The following ME1 variants were observed in gnomAD, a reference collection of about 807,000 sequenced individuals.
ME1 encodes the protein NADP-dependent malic enzyme.
A neutral mutation model predicts 66.4 loss-of-function variants in ME1; 74 were observed. The ratio of observed to expected loss-of-function variants is 1.11; its 90% CI spans 0.92 to 1.35. The LOEUF is 1.35. Among genes scored for constraint, ME1 ranks in the 40% most tolerant of loss-of-function variants. ME1 has a pLI of 0.00. For synonymous variants in ME1, 251 were observed against 235.6 expected (o/e 1.07, Z -0.60); for missense variants, 750 against 694.1 (o/e 1.08, Z -0.90).
intron 3 of ME1, among the ~76,000 whole-genome samples, chr6:83,360,747 T>C (rs1019972481): frequency 2.0e-5 from 3 of 152,232 alleles, no homozygotes; most frequent in Admixed American, 6.5e-5. Context: ...AACTCTTCCA[T>C]TTGTCCTGTG....
rs573468783 is a variant in ME1 at position 83,235,495 on chromosome 6, G to A, written c.1026+2222C>T. On this transcript the variant is annotated intron_variant, in intron 9 of 13. Coordinates refer to ENST00000369705, the MANE Select transcript of ME1 (RefSeq NM_002395.6). Reference sequence around the variant, plus strand: ...ATTTTTTTTTTTTTTTTTTGAGATGGAGTCTCGCTCTGTCACCCAGGATGG... The same window carrying A: ...ATTTTTTTTTTTTTTTTTTGAGATGAAGTCTCGCTCTGTCACCCAGGATGG... 1.4e-3 allele frequency among the ~76,000 whole-genome samples: 188 copies of A among 129,956 alleles called. 1 individual carries two copies. Among genetic ancestry groups the A allele is most frequent in the Middle Eastern group, 0.012 (2 of 166 alleles). The allele number at this position is 129,956 out of a possible 152,430, so 85.3% of individuals were successfully genotyped here. A position where few individuals can be genotyped will look rare whatever the true frequency, so the allele number is the denominator to read the frequency against.
intron 1 of ME1, among the ~76,000 whole-genome samples, chr6:83,422,073 G>A (rs1462579182): frequency 1.3e-5 from 2 of 152,166 alleles, no homozygotes; most frequent in Non-Finnish European, 2.9e-5. Flanking sequence ...AGAGATCACA[G>A]AAAGAAGGGA....
rs70987750 is a variant in ME1 at position 83,376,804 on chromosome 6, C to CAAAAAAAAAAAAAAAAAAAAA, written c.362+21562_362+21563insTTTTTTTTTTTTTTTTTTTTT. On this transcript the variant is annotated intron_variant, in intron 3 of 13. Coordinates refer to ENST00000369705, the MANE Select transcript of ME1 (RefSeq NM_002395.6). ...GGCGACAGAACCAGACCCTGTCTCA[C>CAAAAAAAAAAAAAAAAAAAAA]AAAAAAAAAAAAAAAATTCAAAAAA... 6.1e-3 allele frequency among the ~76,000 whole-genome samples: 524 copies of CAAAAAAAAAAAAAAAAAAAAA among 86,550 alleles called. 17 individuals are homozygous for CAAAAAAAAAAAAAAAAAAAAA. The highest frequency in any genetic ancestry group is 0.015 in the Admixed American group (96 of 6,486). The allele number at this position is 86,550 out of a possible 152,430, so 56.8% of individuals were successfully genotyped here. A position where few individuals can be genotyped will look rare whatever the true frequency, so the allele number is the denominator to read the frequency against.
chr6:83,415,548 T>C (rs1005119473), intron 1 of ME1, among the ~76,000 whole-genome samples: 2 of 152,208 alleles, frequency 1.3e-5, no homozygotes, highest in African/African-American at 4.8e-5. Context: ...AAACAAATTT[T>C]CAGTACTCTG....
chr6:83,316,225 T>C (rs943662448), intron 5 of ME1, among the ~76,000 whole-genome samples: 1 of 152,228 alleles, frequency 6.6e-6, no homozygotes, highest in African/African-American at 2.4e-5. Flanking sequence ...AGTGTTTTCT[T>C]AAATTTTTTA....
At chr6:83,258,256 A>T (rs1562461812) in intron 6 of ME1, among the ~76,000 whole-genome samples, 2 of 152,158 alleles carry the variant, frequency 1.3e-5, no homozygotes, top group Non-Finnish European at 2.9e-5. Context: ...TAGTTTCATG[A>T]CTTTTCTCTA....
chr6:83,415,415 AG>A (rs1299032916), intron 1 of ME1, among the ~76,000 whole-genome samples: 4 of 152,190 alleles, frequency 2.6e-5, no homozygotes, highest in Non-Finnish European at 5.9e-5. Flanking sequence ...CATTTTACCC[AG>A]GTCTGGAAGA....
At chr6:83,235,139 A>G (rs1227397693) in intron 9 of ME1, among the ~76,000 whole-genome samples, 4 of 152,200 alleles carry the variant, frequency 2.6e-5, no homozygotes, top group African/African-American at 9.6e-5. Context: ...ACTTAGCTTA[A>G]TAGACACGTT....
At chr6:83,300,886 G>A (rs1170515) in intron 6 of ME1, among the ~76,000 whole-genome samples, 33,916 of 152,016 alleles carry the variant, frequency 0.22, 4,160 homozygotes, top group Middle Eastern at 0.39. Flanking sequence ...ATGAGTTCAC[G>A]TCCTTTGTAG....
At chr6:83,421,081 C>T (rs551292226) in intron 1 of ME1, among the ~76,000 whole-genome samples, 1 of 152,246 alleles carries the variant, frequency 6.6e-6, no homozygotes, top group African/African-American at 2.4e-5. Flanking sequence ...GTCGAACTTG[C>T]TCTTCTCCTT....
At chr6:83,313,569 T>A (rs1767969178) in intron 6 of ME1, among the ~76,000 whole-genome samples, 1 of 152,200 alleles carries the variant, frequency 6.6e-6, no homozygotes, top group Non-Finnish European at 1.5e-5. Flanking sequence ...TTGTTAAAGT[T>A]GTCTTATTTA....
At chr6:83,212,186 T>C (rs893833268) in intron 13 of ME1, 92 bp from the exon 14 acceptor site, 21 of 823,680 alleles carry the variant, frequency 2.5e-5, no homozygotes, top group East Asian at 1.1e-4. Flanking sequence ...TCAAAAACAC[T>C]GTATCCTATG....
intron 7 of ME1, among the ~76,000 whole-genome samples, chr6:83,250,977 A>G (rs916155650): frequency 6.6e-5 from 10 of 152,354 alleles, no homozygotes; most frequent in African/African-American, 2.4e-4. Context: ...TGTTGCAATA[A>G]CTTTACAAAA....
At chr6:83,402,648 C>T (rs1376479520) in intron 2 of ME1, among the ~76,000 whole-genome samples, 1 of 152,000 alleles carries the variant, frequency 6.6e-6, no homozygotes, top group Non-Finnish European at 1.5e-5. Flanking sequence ...TACAGGAGAC[C>T]CCTTAGGGTA....
At chr6:83,346,477 A>G (rs995328215) in intron 4 of ME1, 143 bp from the exon 5 acceptor site, 9 of 504,452 alleles carry the variant, frequency 1.8e-5, no homozygotes, top group African/African-American at 1.8e-4. Context: ...AAGATTTTAT[A>G]AATTGTAATT....
Position 83,391,460 on chromosome 6 carries a change from G to T in ME1, c.362+6907C>A, listed in dbSNP as rs143303723. 1.4e-3 allele frequency among the ~76,000 whole-genome samples: 215 copies of T among 152,032 alleles called. 1 individual carries two copies. The highest frequency in any genetic ancestry group is 4.8e-3 in the African/African-American group (200 of 41,448). On this transcript the variant is annotated intron_variant, in intron 3 of 13. Transcript: ENST00000369705. ...CTGAACCACTATCATCTCTCACTGG[G>T]TTTATTTTAATAGTCTCCTAACAAG...
chr6:83,388,448 C>T (rs1769557155), intron 3 of ME1, among the ~76,000 whole-genome samples: 2 of 152,064 alleles, frequency 1.3e-5, no homozygotes, highest in African/African-American at 2.4e-5. Flanking sequence ...TACATGATAC[C>T]ACAATCTATT....
chr6:83,239,489 C>A, intron 8 of ME1, 50 bp downstream of exon 8: 1 of 1,266,786 alleles, frequency 7.9e-7, no homozygotes, highest in Middle Eastern at 1.9e-4. Context: ...GCAATTAACA[C>A]TAATTATATG....
intron 7 of ME1, among the ~76,000 whole-genome samples, chr6:83,248,680 A>C (rs1790666728): frequency 6.6e-6 from 1 of 152,122 alleles, no homozygotes; most frequent in South Asian, 2.1e-4. Context: ...AGTGTTTGGA[A>C]GTTCTTCCTT....
Sources: gnomAD v4.1 joint callset for allele counts (sites outside exome capture counted in the v4.1 genomes callset) on GRCh38, gnomAD v4.1.1 for gene constraint, MANE v1.5 for transcripts, NCBI Gene and HGNC (gene_info 2026-07-23, HGNC 2026-07-21) for gene names.